The following CCDC102A variants were observed in gnomAD, a reference collection of about 807,000 sequenced individuals.
The protein encoded by CCDC102A is coiled-coil domain-containing protein 102A.
CCDC102A carries 40 observed loss-of-function variants against 55.5 expected under a neutral mutation model. That is an observed-to-expected ratio of 0.72 (90% CI 0.56 to 0.94). CCDC102A has a LOEUF of 0.94. Ranked by LOEUF, CCDC102A falls within the 40% of genes least tolerant of loss-of-function variation. The probability of loss-of-function intolerance (pLI) is 0.00; values close to 1 mark genes in which losing one functional copy is unlikely to be tolerated. For missense variants in CCDC102A, 779 were observed against 768.6 expected (o/e 1.01, Z -0.16); for synonymous variants, 323 against 339.0 (o/e 0.95, Z 0.52).
At chr16:57,520,646 T>C (rs890181655) in intron 4 of CCDC102A, among the ~76,000 whole-genome samples, 2 of 148,372 alleles carry the variant, frequency 1.3e-5, no homozygotes, top group Admixed American at 1.3e-4. Context: ...TAAATAAAAT[T>C]AAAATAAAAT....
chr16:57,513,141 G>A (rs1187074134), intron 8 of CCDC102A, among the ~76,000 whole-genome samples: 1 of 152,236 alleles, frequency 6.6e-6, no homozygotes, highest in Non-Finnish European at 1.5e-5. Context: ...TGGTGCCAGA[G>A]CAGCTGGGCG....
chr16:57,518,597 T>A, intron 5 of CCDC102A, 28 bp downstream of exon 5: 1 of 1,559,754 alleles, frequency 6.4e-7, no homozygotes, highest in Non-Finnish European at 8.8e-7. Context: ...TAAACCCAGG[T>A]CCTCCTGGGT....
chr16:57,532,331 A>G (rs1234991221), intron 1 of CCDC102A, among the ~76,000 whole-genome samples: 1 of 152,150 alleles, frequency 6.6e-6, no homozygotes. Flanking sequence ...TGTGTCACGC[A>G]CCCAGACACA....
chr16:57,526,174 C>G, intron 2 of CCDC102A, 47 bp from the exon 3 acceptor site: 1 of 1,422,600 alleles, frequency 7.0e-7, no homozygotes, highest in Admixed American at 2.4e-5. Flanking sequence ...CCAAGCCAGG[C>G]CCTGGGTCTG....
At chr16:57,532,695 GCAGACACA>G (rs2032289146) in intron 1 of CCDC102A, among the ~76,000 whole-genome samples, 1 of 78,330 alleles carries the variant, frequency 1.3e-5, no homozygotes, top group Non-Finnish European at 2.4e-5. Flanking sequence ...CCCAAGTGAA[GCAGACACA>G]CACACACACA....
intron 1 of CCDC102A, among the ~76,000 whole-genome samples, chr16:57,536,269 C>A (rs1440046185): frequency 6.6e-6 from 1 of 152,094 alleles, no homozygotes; most frequent in African/African-American, 2.4e-5. Flanking sequence ...CCCCATCACC[C>A]CGCGGCCCCT....
At chr16:57,513,242 T>C (rs570239895) in intron 8 of CCDC102A, among the ~76,000 whole-genome samples, 1 of 152,252 alleles carries the variant, frequency 6.6e-6, no homozygotes, top group East Asian at 1.9e-4. Flanking sequence ...AGTTGGTTGG[T>C]GTGACAGTGC....
intron 2 of CCDC102A, among the ~76,000 whole-genome samples, chr16:57,527,399 C>T (rs1415231198): frequency 2.0e-5 from 3 of 150,154 alleles, no homozygotes; most frequent in Admixed American, 6.6e-5. Context: ...TTGTCACCGG[C>T]TGGCAGACAT....
chr16:57,522,111 T>C (rs1428432687), intron 3 of CCDC102A, among the ~76,000 whole-genome samples: 1 of 152,188 alleles, frequency 6.6e-6, no homozygotes, highest in African/African-American at 2.4e-5. Flanking sequence ...TTGCTCGGGG[T>C]AGAGATGATC....
intron 1 of CCDC102A, among the ~76,000 whole-genome samples, chr16:57,530,610 A>G (rs901058026): frequency 4.6e-5 from 7 of 152,056 alleles, no homozygotes; most frequent in Non-Finnish European, 8.8e-5. Context: ...ATTTGCAGTG[A>G]AAAAGGAAGC....
chr16:57,531,001 G>C (rs999048826), intron 1 of CCDC102A, among the ~76,000 whole-genome samples: 1 of 151,534 alleles, frequency 6.6e-6, no homozygotes, highest in East Asian at 2.0e-4. Flanking sequence ...CCAGCTGCTC[G>C]TCAGCCTCCC....
intron 3 of CCDC102A, among the ~76,000 whole-genome samples, chr16:57,522,978 G>A (rs931348746): frequency 2.0e-5 from 3 of 152,164 alleles, no homozygotes; most frequent in African/African-American, 7.2e-5. Flanking sequence ...AGCAGCCTGG[G>A]CAACATGGTG....
intron 8 of CCDC102A, 23 bp from the exon 9 acceptor site, chr16:57,512,893 G>A: frequency 6.2e-7 from 1 of 1,606,876 alleles, no homozygotes. Flanking sequence ...GGTGACAGGA[G>A]GTTAGAGCAG....
chr16:57,517,587 G>GC (rs1306435340), intron 6 of CCDC102A, among the ~76,000 whole-genome samples: 2 of 152,144 alleles, frequency 1.3e-5, no homozygotes, highest in African/African-American at 4.8e-5. Context: ...CAGGTGATCT[G>GC]CCCACCCCAG....
intron 1 of CCDC102A, among the ~76,000 whole-genome samples, chr16:57,531,684 C>T (rs1181081457): frequency 6.6e-6 from 1 of 152,140 alleles, no homozygotes; most frequent in Non-Finnish European, 1.5e-5. Flanking sequence ...CAGCAGGAGC[C>T]GCAAGCCACT....
intron 3 of CCDC102A, among the ~76,000 whole-genome samples, chr16:57,523,545 A>T (rs2032086061): frequency 6.6e-6 from 1 of 151,506 alleles, no homozygotes; most frequent in African/African-American, 2.4e-5. Context: ...GCATTCATAC[A>T]ATCACAGCTC....
chr16:57,528,726 TCG>T lies in CCDC102A; in HGVS notation c.450_451del (p.Cys150Ter). ...CCGCGCCAGCTCGCGGCCCCGTGCC[TCG>T]CACTCGCCCTGCGCCTCTTGGCGCT... On this transcript the variant is annotated stop_gained and frameshift_variant, in exon 2 of 9. Transcript: ENST00000258214. LOFTEE classifies it high-confidence loss of function. 8.7e-7 allele frequency: 1 copy of T among 1,149,352 alleles called. No individual in the cohort carries two copies. The highest frequency in any genetic ancestry group is 1.1e-6 in the Non-Finnish European group (1 of 927,862). The allele number at this position is 1,149,352 out of a possible 1,614,324, so 71.2% of individuals were successfully genotyped here. A position where few individuals can be genotyped will look rare whatever the true frequency, so the allele number is the denominator to read the frequency against.
chr16:57,525,627 G>A lies in CCDC102A; in HGVS notation c.812+274C>T, dbSNP rs143803936. 1.7e-3 allele frequency among the ~76,000 whole-genome samples: 259 copies of A among 152,260 alleles called. 1 individual carries two copies. The highest frequency in any genetic ancestry group is 6.8e-3 in the Middle Eastern group (2 of 292). ...GCCCTCTCCCCCAACTAGAAAGTAC[G>A]TTTCAGGAAGGCAGGGGCTTCTGTC... On this transcript the variant is annotated intron_variant, in intron 3 of 8. Coordinates refer to ENST00000258214, the MANE Select transcript of CCDC102A (RefSeq NM_033212.4).
intron 4 of CCDC102A, among the ~76,000 whole-genome samples, chr16:57,520,110 T>G (rs1318471288): frequency 6.6e-6 from 1 of 152,170 alleles, no homozygotes. Flanking sequence ...CAGTGACACC[T>G]AGTACAGATA....
Sources: allele counts gnomAD v4.1 joint callset (sites outside exome capture counted in the v4.1 genomes callset), GRCh38; gene constraint gnomAD v4.1.1; transcripts MANE v1.5; gene names NCBI Gene and HGNC (gene_info 2026-07-23, HGNC 2026-07-21).